Variants in SOX6 observed in about 807,000 individuals in gnomAD.
SOX6 encodes the protein transcription factor SOX-6.
Under a neutral mutation model 97.8 loss-of-function variants are expected in SOX6, and 11 were observed. The ratio of observed to expected loss-of-function variants is 0.11; its 90% confidence interval spans 0.07 to 0.19. The LOEUF (loss-of-function observed/expected upper bound fraction) is 0.19. Ranked by LOEUF, SOX6 falls within the 10% of genes least tolerant of loss-of-function variation. The pLI is 1.00. For synonymous variants in SOX6, 360 were observed against 371.4 expected (o/e 0.97, Z 0.35); for missense variants, 810 against 1,039.5 (o/e 0.78, Z 3.04).
At chr11:16,675,699 T>C (rs189696953) in intron 3 of SOX6, among the ~76,000 whole-genome samples, 98 of 152,318 alleles carry the variant, frequency 6.4e-4, no homozygotes, top group African/African-American at 2.3e-3. Flanking sequence ...CTCCTTCATA[T>C]TGGAAAGATA....
intron 1 of SOX6, among the ~76,000 whole-genome samples, chr11:16,474,609 C>A (rs1204664064): frequency 6.6e-6 from 1 of 152,156 alleles, no homozygotes; most frequent in East Asian, 1.9e-4. Context: ...TATGTCTCAA[C>A]AGTGGGCTTA....
At chr11:16,399,856 C>A (rs1858497796) in intron 1 of SOX6, among the ~76,000 whole-genome samples, 1 of 151,318 alleles carries the variant, frequency 6.6e-6, no homozygotes, top group African/African-American at 2.4e-5. Context: ...CCCTAAGATT[C>A]AATCAAGTGC....
At position 16,648,029 on chromosome 11, in the gene SOX6, C is replaced by T. The variant is rs57160078; in HGVS notation, n.430-35769G>A. ...ATTTTCTTGAGCAGAGTCTGAGGGA[C>T]GAGTGGGAGTGGCTGTGGATATGAG... On this transcript the variant is annotated intron_variant and non_coding_transcript_variant, in intron 3 of 5. Transcript: ENST00000524520. 1.7e-3 allele frequency among the ~76,000 whole-genome samples: 256 copies of T among 152,108 alleles called. 7 individuals are homozygous for T. In the East Asian group the frequency reaches 0.038, roughly 23 times the overall value.
chr11:16,416,439 C>T (rs1858927657), intron 1 of SOX6, among the ~76,000 whole-genome samples: 1 of 152,140 alleles, frequency 6.6e-6, no homozygotes, highest in Non-Finnish European at 1.5e-5. Flanking sequence ...GATTCCACTA[C>T]CTTCTAAAAT....
At chr11:16,727,129 C>T (rs961523933) in intron 2 of SOX6, among the ~76,000 whole-genome samples, 1 of 148,100 alleles carries the variant, frequency 6.8e-6, no homozygotes, top group Admixed American at 6.6e-5. Context: ...TACACCTAAC[C>T]CCCATCTACC....
At chr11:16,099,519 T>G (rs1848886710) in intron 7 of SOX6, among the ~76,000 whole-genome samples, 1 of 151,708 alleles carries the variant, frequency 6.6e-6, no homozygotes, top group African/African-American at 2.4e-5. Flanking sequence ...TGTTCTTTCT[T>G]TAAATATCAT....
intron 15 of SOX6, among the ~76,000 whole-genome samples, chr11:15,974,671 A>G (rs1005142433): frequency 6.6e-6 from 1 of 151,816 alleles, no homozygotes; most frequent in African/African-American, 2.4e-5. Context: ...GTCCAGAGGA[A>G]CATAATTTTC....
intron 4 of SOX6, among the ~76,000 whole-genome samples, chr11:16,582,950 GGCAAGAC>G (rs1394540209): frequency 6.6e-6 from 1 of 151,882 alleles, no homozygotes; most frequent in Non-Finnish European, 1.5e-5. Context: ...TCACAAAGAT[GGCAAGAC>G]GCTACTATCA....
At chr11:16,394,710 G>C (rs1858293941) in intron 1 of SOX6, among the ~76,000 whole-genome samples, 1 of 151,708 alleles carries the variant, frequency 6.6e-6, no homozygotes, top group South Asian at 2.1e-4. Flanking sequence ...TGGTCTCATG[G>C]CTTTTCTTTG....
intron 3 of SOX6, among the ~76,000 whole-genome samples, chr11:16,626,390 C>G (rs937150461): frequency 1.8e-4 from 28 of 152,058 alleles, no homozygotes; most frequent in African/African-American, 5.8e-4. Flanking sequence ...ATTTCTGAAC[C>G]CTCTATTCTG....
intron 9 of SOX6, among the ~76,000 whole-genome samples, chr11:16,089,476 T>C (rs770500917): frequency 1.1e-4 from 17 of 152,146 alleles, no homozygotes; most frequent in Non-Finnish European, 2.1e-4. Context: ...AAAAGAATCC[T>C]TTATTAATGC....
intron 4 of SOX6, among the ~76,000 whole-genome samples, chr11:16,564,070 T>A (rs1237416984): frequency 6.6e-6 from 1 of 150,434 alleles, no homozygotes; most frequent in Non-Finnish European, 1.5e-5. Context: ...ATGAAGAGAG[T>A]TTATCACCAG....
intron 3 of SOX6, among the ~76,000 whole-genome samples, chr11:16,235,758 T>C (rs1852998408): frequency 6.6e-6 from 1 of 152,108 alleles, no homozygotes; most frequent in South Asian, 2.1e-4. Context: ...AAATCCTCCT[T>C]GAATTTTTCA....
chr11:16,694,561 C>T (rs1054299968), intron 3 of SOX6, among the ~76,000 whole-genome samples: 29 of 152,128 alleles, frequency 1.9e-4, no homozygotes, highest in African/African-American at 7.0e-4. Context: ...TTCCTAACCT[C>T]AGAAAAATAC....
At chr11:16,058,914 G>C (rs1418015636) in intron 9 of SOX6, among the ~76,000 whole-genome samples, 1 of 151,974 alleles carries the variant, frequency 6.6e-6, no homozygotes, top group African/African-American at 2.4e-5. Flanking sequence ...CATTAGGGAG[G>C]GATCATCTTA....
chr11:16,037,400 C>A (rs572034262), intron 12 of SOX6, among the ~76,000 whole-genome samples: 5 of 152,234 alleles, frequency 3.3e-5, no homozygotes, highest in African/African-American at 1.2e-4. Context: ...CCTGTTTCTA[C>A]AACAACAGGG....
At chr11:15,986,510 T>C (rs1590109960) in intron 14 of SOX6, 90 bp from the exon 15 acceptor site, 8 of 1,256,212 alleles carry the variant, frequency 6.4e-6, no homozygotes, top group Non-Finnish European at 9.2e-6. Flanking sequence ...ATCACTTCAC[T>C]CATCTGTGCG....
At chr11:16,103,949 A>C (rs1334037431) in intron 7 of SOX6, among the ~76,000 whole-genome samples, 2 of 151,946 alleles carry the variant, frequency 1.3e-5, no homozygotes, top group Admixed American at 1.3e-4. Context: ...GGGTGCACCA[A>C]AATCTCAGAA....
chr11:16,067,246 G>A (rs1848113437), intron 9 of SOX6, among the ~76,000 whole-genome samples: 1 of 152,098 alleles, frequency 6.6e-6, no homozygotes, highest in Non-Finnish European at 1.5e-5. Context: ...GGAGGAGACT[G>A]GGGCAAAATA....
Sources: gnomAD v4.1 joint callset for allele counts (sites outside exome capture counted in the v4.1 genomes callset) on GRCh38, gnomAD v4.1.1 for gene constraint, MANE v1.5 for transcripts, NCBI Gene and HGNC (gene_info 2026-07-23, HGNC 2026-07-21) for gene names.